RSBN1L: variants seen among roughly 807,000 people sequenced by gnomAD.
The protein encoded by RSBN1L is round spermatid basic protein 1 like.
A neutral mutation model predicts 67.7 loss-of-function variants in RSBN1L; 30 were observed. That is an observed-to-expected ratio of 0.44 (90% CI 0.33 to 0.60). The LOEUF (loss-of-function observed/expected upper bound fraction) is 0.60, where lower values mean the gene tolerates loss of function less well. RSBN1L is among the 20% of genes least tolerant of loss of function. The pLI is 0.02. For synonymous variants in RSBN1L, 433 were observed against 387.0 expected, an observed-to-expected ratio of 1.12 and a Z score of -1.39; for missense variants, 992 against 1,031.7, an observed-to-expected ratio of 0.96 and a Z score of 0.53.
intron 1 of RSBN1L, among the ~76,000 whole-genome samples, chr7:77,734,731 C>T (rs759568408): frequency 4.6e-5 from 7 of 152,048 alleles, no homozygotes; most frequent in African/African-American, 9.7e-5. Flanking sequence ...TCGGGTGATC[C>T]GCCCACTTCG....
Position 77,696,755 on chromosome 7 carries a change from TC to T in RSBN1L, c.290del (p.Pro97ArgfsTer94). On this transcript the variant is annotated frameshift_variant, in exon 1 of 8. Transcript: ENST00000334955. LOFTEE classifies it high-confidence loss of function. The part of the protein sequence containing the change: ...WSFAPLSAAP[S>X]PSSSRSSFSF... ...CTTTGCCCCTCTGTCTGCTGCTCCC[TC>T]CCCGTCCTCTTCTCGGAGCAGTTTC... 1 of 1,613,724 alleles carries T rather than the reference TC, an allele frequency of 6.2e-7. No homozygotes were observed. The highest frequency in any genetic ancestry group is 8.5e-7 in the Non-Finnish European group (1 of 1,179,982).
intron 1 of RSBN1L, among the ~76,000 whole-genome samples, chr7:77,735,008 G>A (rs1791314799): frequency 1.3e-5 from 2 of 151,046 alleles, no homozygotes; most frequent in African/African-American, 2.4e-5. Context: ...TTGAGTCAGT[G>A]AATTCCTGTT....
At chr7:77,717,375 T>C (rs1261295864) in intron 1 of RSBN1L, among the ~76,000 whole-genome samples, 1 of 152,184 alleles carries the variant, frequency 6.6e-6, no homozygotes, top group African/African-American at 2.4e-5. Flanking sequence ...ATTACTAGTA[T>C]ATAAAAAAGA....
At chr7:77,768,102 G>A (rs534460627) in intron 4 of RSBN1L, among the ~76,000 whole-genome samples, 2 of 151,552 alleles carry the variant, frequency 1.3e-5, no homozygotes, top group South Asian at 4.2e-4. Flanking sequence ...TGATCCGCCC[G>A]CCTCGGCCTC....
At chr7:77,765,661 G>GTTTT in intron 4 of RSBN1L, 29 bp downstream of exon 4, 1 of 1,393,938 alleles carries the variant, frequency 7.2e-7, no homozygotes, top group Non-Finnish European at 9.6e-7. Flanking sequence ...TGGGATTAGA[G>GTTTT]TTTTTTTTTT....
In RSBN1L at chr7:77,782,076, C is replaced by T. The variant is rs1200356287; in HGVS notation, c.*2908C>T. On this transcript the variant is annotated 3_prime_UTR_variant, in exon 8 of 8. Coordinates refer to ENST00000334955, the MANE Select transcript of RSBN1L (RefSeq NM_198467.3). ...TTGTTAATGCCTTCAATAATGCTTA[C>T]GTTCCTTGTCTTATGGGTTATAATT... 2.0e-5 allele frequency: 3 copies of T among 151,332 alleles called. No individual in the cohort carries two copies. Among genetic ancestry groups the T allele is most frequent in the Non-Finnish European group, 4.4e-5 (3 of 67,948 alleles). The allele number at this position is 151,332 out of a possible 1,614,324, so 9.4% of individuals were successfully genotyped here.
intron 1 of RSBN1L, among the ~76,000 whole-genome samples, chr7:77,723,627 C>T (rs1314082946): frequency 1.3e-5 from 2 of 151,998 alleles, no homozygotes; most frequent in Admixed American, 1.3e-4. Flanking sequence ...TACCACCATG[C>T]CCAGTTAATT....
chr7:77,699,870 C>T (rs951496807), intron 1 of RSBN1L, among the ~76,000 whole-genome samples: 2 of 151,302 alleles, frequency 1.3e-5, no homozygotes, highest in African/African-American at 2.4e-5. Flanking sequence ...GATCTCGGCT[C>T]GCTGCAACCT....
intron 1 of RSBN1L, among the ~76,000 whole-genome samples, chr7:77,723,112 A>G (rs11980426): frequency 0.12 from 18,934 of 151,766 alleles, 1,257 homozygotes; most frequent in African/African-American, 0.16. Context: ...GATTACAGGC[A>G]TGCGCCACCT....
intron 1 of RSBN1L, among the ~76,000 whole-genome samples, chr7:77,700,171 A>G (rs572519908): frequency 6.6e-6 from 1 of 152,336 alleles, no homozygotes; most frequent in African/African-American, 2.4e-5. Flanking sequence ...GAGTTAATCA[A>G]TATTCCTGTA....
At chr7:77,735,585 A>G (rs1321142109) in intron 1 of RSBN1L, among the ~76,000 whole-genome samples, 1 of 152,160 alleles carries the variant, frequency 6.6e-6, no homozygotes, top group African/African-American at 2.4e-5. Context: ...CATGTATACT[A>G]TATAATCTCT....
chr7:77,778,969 T>C lies in RSBN1L; in HGVS notation c.2342T>C (p.Met781Thr), dbSNP rs765121093. 1.9e-6 allele frequency: 3 copies of C among 1,614,008 alleles called. No homozygotes were observed. The highest frequency in any genetic ancestry group is 1.7e-5 in the Admixed American group (1 of 60,024). ...IPEKTTALNN[M>T]DGKNVKAKLD... ...GAAAAGACTACAGCACTGAATAATA[T>C]GGATGGCAAGAATGTTAAAGCAAAA... Residue 781 changes from methionine (M) to threonine (T), a missense_variant, in exon 8 of 8, where the codon ATG (methionine) becomes ACG (threonine). Met to Thr is a moderately conservative substitution (Grantham distance 81, BLOSUM62 -1). Coordinates refer to ENST00000334955, the MANE Select transcript of RSBN1L (RefSeq NM_198467.3).
intron 1 of RSBN1L, among the ~76,000 whole-genome samples, chr7:77,700,310 A>G (rs932021875): frequency 3.9e-5 from 6 of 152,186 alleles, no homozygotes; most frequent in Admixed American, 3.9e-4. Flanking sequence ...GTGTGCCTTC[A>G]CTGACTCCAG....
At chr7:77,729,773 G>GT (rs1435015613) in intron 1 of RSBN1L, among the ~76,000 whole-genome samples, 1 of 152,074 alleles carries the variant, frequency 6.6e-6, no homozygotes, top group African/African-American at 2.4e-5. Flanking sequence ...GGGCAACATA[G>GT]TGAGACCCTG....
rs146534102 is a variant in RSBN1L at position 77,753,980 on chromosome 7, G to T, written c.1344+3916G>T. On this transcript the variant is annotated intron_variant, in intron 3 of 7. Coordinates refer to ENST00000334955, the MANE Select transcript of RSBN1L (RefSeq NM_198467.3). ...CATATGTGTGTGGGTCTGTTTCTGG[G>T]CTCCCTTTGATTCCATTGTTTTGTT... Among the ~76,000 whole-genome samples, 325 of 152,194 alleles carry T rather than the reference G, an allele frequency of 2.1e-3. 1 individual carries two copies. Among genetic ancestry groups the T allele is most frequent in the African/African-American group, 7.3e-3 (305 of 41,518 alleles).
intron 3 of RSBN1L, among the ~76,000 whole-genome samples, chr7:77,763,081 A>G (rs1405583604): frequency 6.6e-6 from 1 of 152,114 alleles, no homozygotes; most frequent in Non-Finnish European, 1.5e-5. Context: ...TCTAATTTAA[A>G]CAAGATAAGG....
intron 3 of RSBN1L, chr7:77,759,879 C>CT (rs1258436503): frequency 6.6e-6 from 1 of 152,142 alleles, no homozygotes; most frequent in Non-Finnish European, 1.5e-5. Flanking sequence ...TCCTCAGAAA[C>CT]TTTAATAGCC....
chr7:77,750,296 G>GTTT (rs36054297), intron 3 of RSBN1L, among the ~76,000 whole-genome samples: 1,263 of 57,484 alleles, frequency 0.022, 124 homozygotes, highest in African/African-American at 0.042. Flanking sequence ...AAGATTCTGT[G>GTTT]TTTTTTTTTT....
chr7:77,743,059 A>AT (rs35673255), intron 2 of RSBN1L, among the ~76,000 whole-genome samples: 86,318 of 149,964 alleles, frequency 0.58, 26,538 homozygotes, highest in African/African-American at 0.81. Flanking sequence ...TTCCATGGGA[A>AT]TTTTTTTTTT....
Sources: gnomAD v4.1 joint callset for allele counts (sites outside exome capture counted in the v4.1 genomes callset) on GRCh38, gnomAD v4.1.1 for gene constraint, MANE v1.5 for transcripts, NCBI Gene and HGNC (gene_info 2026-07-23, HGNC 2026-07-21) for gene names.